KEL: variants seen among roughly 807,000 people sequenced by gnomAD.
KEL encodes Kell metallo-endopeptidase (Kell blood group).
A neutral mutation model predicts 99.5 loss-of-function variants in KEL; 96 were observed. That is an observed-to-expected ratio of 0.97 (90% CI 0.82 to 1.14). KEL has a LOEUF of 1.14. Ranked by LOEUF, KEL falls within the 50% of genes most tolerant of loss-of-function variation. KEL has a pLI of 0.00. For missense variants in KEL, 926 were observed against 924.2 expected (o/e 1.00, Z -0.03); for synonymous variants, 355 against 354.8 (o/e 1.00, Z -0.01).
Position 142,943,439 on chromosome 7 carries a change from G to A in KEL, c.1703+47C>T, listed in dbSNP as rs1796422214. ...GTCCCATCCATCATAACACCTGTCG[G>A]CCCCTCTTGGGAAACTCCCTACCTA... On this transcript the variant is annotated intron_variant, in intron 15 of 18. Coordinates refer to ENST00000355265, the MANE Select transcript of KEL (RefSeq NM_000420.3). 1.9e-6 allele frequency: 3 copies of A among 1,603,164 alleles called. 1 individual carries two copies. The Admixed American group carries it at 5.0e-5, about 27-fold the overall frequency.
At chr7:142,947,492 A>G (rs1390143606) in intron 10 of KEL, among the ~76,000 whole-genome samples, 2 of 152,184 alleles carry the variant, frequency 1.3e-5, no homozygotes, top group Non-Finnish European at 2.9e-5. Context: ...AGGTTGCTGC[A>G]GGCCTGGCTG....
At chr7:142,953,280 A>G (rs1796735895) in intron 9 of KEL, 1 of 855,870 alleles carries the variant, frequency 1.2e-6, no homozygotes, top group African/African-American at 1.8e-5. Flanking sequence ...ACCAGCAGAA[A>G]TGCTCTTAGA....
chr7:142,957,756 C>A, intron 6 of KEL, 71 bp downstream of exon 6: 2 of 1,590,912 alleles, frequency 1.3e-6, no homozygotes. Flanking sequence ...TGCAACCTTC[C>A]TCTAAGGGAT....
intron 2 of KEL, 83 bp from the exon 3 acceptor site, chr7:142,961,584 G>T: frequency 2.0e-6 from 3 of 1,474,300 alleles, no homozygotes; most frequent in Non-Finnish European, 2.8e-6. Context: ...GAATGAATCT[G>T]TTGGTGCTAC....
chr7:142,961,937 G>A, intron 1 of KEL, 65 bp from the exon 2 acceptor site: 1 of 1,600,244 alleles, frequency 6.2e-7, no homozygotes, highest in East Asian at 2.2e-5. Flanking sequence ...ATTGAAGAGA[G>A]TTTTATCAGG....
intron 12 of KEL, 106 bp from the exon 13 acceptor site, chr7:142,944,506 G>A (rs1338533845): frequency 1.5e-5 from 18 of 1,201,334 alleles, no homozygotes; most frequent in Non-Finnish European, 1.9e-5. Context: ...GCCAGTGTGA[G>A]TATACAGCCC....
intron 17 of KEL, 111 bp from the exon 18 acceptor site, chr7:142,942,640 G>T: frequency 1.1e-6 from 1 of 902,032 alleles, no homozygotes; most frequent in South Asian, 1.4e-5. Flanking sequence ...GTTCTGCACT[G>T]ACTAGTTGAT....
intron 10 of KEL, among the ~76,000 whole-genome samples, chr7:142,949,530 C>T (rs1486796765): frequency 6.6e-6 from 1 of 152,160 alleles, no homozygotes; most frequent in Non-Finnish European, 1.5e-5. Context: ...TATTGTCTTT[C>T]TTCTTTCACC....
intron 11 of KEL, 110 bp from the exon 12 acceptor site, chr7:142,944,851 T>A (rs1796479607): frequency 8.5e-6 from 7 of 827,956 alleles, no homozygotes; most frequent in Non-Finnish European, 1.4e-5. Context: ...AGGAGCTGCC[T>A]GGGCTGGAGC....
intron 10 of KEL, among the ~76,000 whole-genome samples, chr7:142,951,926 C>T (rs1235898685): frequency 1.3e-5 from 2 of 152,056 alleles, no homozygotes; most frequent in African/African-American, 4.8e-5. Context: ...TCAAGATTCT[C>T]AGCAAAGGAG....
intron 10 of KEL, 71 bp downstream of exon 10, chr7:142,952,438 G>T: frequency 1.3e-6 from 2 of 1,589,836 alleles, no homozygotes; most frequent in Admixed American, 1.7e-5. Context: ...GAGAGATGCC[G>T]ACATTTACCC....
rs1796880106 is a variant in KEL, at chr7:142,958,377, A to G, written c.452T>C (p.Phe151Ser). Residue 151 changes from phenylalanine to serine, a missense_variant, in exon 5 of 19, where the codon TTC becomes TCC. Transcript: ENST00000355265. ...AAGTGTATCCATGCAGGAGTTGTAG[A>G]ACTGGAAGGCTTTCTCCTCCCCAGA... ...PGSGEEKAFQFYNSCMDTLAI... is the reference protein window; with the variant it reads ...PGSGEEKAFQSYNSCMDTLAI... The G allele has an allele frequency of 9.3e-6, 15 of 1,614,036 alleles. No individual in the cohort carries two copies. The highest frequency in any genetic ancestry group is 1.3e-5 in the Non-Finnish European group (15 of 1,180,050).
intron 9 of KEL, 128 bp downstream of exon 9, chr7:142,953,680 G>T (rs568635756): frequency 5.2e-5 from 57 of 1,100,542 alleles, no homozygotes; most frequent in Middle Eastern, 4.0e-4. Context: ...ACAGGTGGCA[G>T]GTTCCTCTTA....
In KEL at chr7:142,941,415, T is replaced by G; in HGVS notation, c.2038-2A>C. ...GGGGCTGGGCTTCCTACACATCACCTGAGCAGGAAGAGAGGTCATTGAAGG... is the reference window on the plus strand; with the variant it reads ...GGGGCTGGGCTTCCTACACATCACCGGAGCAGGAAGAGAGGTCATTGAAGG... On this transcript the variant is annotated splice_acceptor_variant, in intron 18 of 18. Transcript: ENST00000355265. LOFTEE classifies it high-confidence loss of function. 6.3e-7 allele frequency: 1 copy of G among 1,590,948 alleles called. No homozygotes were observed. Among genetic ancestry groups the G allele is most frequent in the Non-Finnish European group, 8.6e-7 (1 of 1,165,546 alleles).
At chr7:142,948,790 A>G (rs1796598771) in intron 10 of KEL, among the ~76,000 whole-genome samples, 1 of 152,154 alleles carries the variant, frequency 6.6e-6, no homozygotes, top group African/African-American at 2.4e-5. Context: ...TCAGAGCTAC[A>G]GGCTGTGGTG....
At chr7:142,958,252 T>C (rs1274086986) in intron 5 of KEL, 52 bp downstream of exon 5, 1 of 1,613,300 alleles carries the variant, frequency 6.2e-7, no homozygotes, top group Admixed American at 1.7e-5. Context: ...TAAGCATGCA[T>C]TGGTCCCATA....
At chr7:142,943,726 T>C (rs1439528025) in intron 14 of KEL, 57 bp downstream of exon 14, 5 of 1,547,382 alleles carry the variant, frequency 3.2e-6, no homozygotes, top group South Asian at 1.1e-5. Context: ...TCCTTTCCTG[T>C]GAATCATGGA....
rs1243586790 is a variant in KEL, at chr7:142,943,859, G to A, written c.1516C>T (p.Gln506Ter). ...NDIQLGSSFL[Q>*]SVLSCVRSLR... ...GACCGGACACAGCTCAGGACAGACT[G>A]CAGGAAGCTCGATCCAAGCTGTATC... The change falls in exon 14 of 19, where the codon CAG (glutamine) becomes TAG (stop). Residue 506 changes from glutamine to a stop codon, truncating the protein, a stop_gained. Transcript: ENST00000355265. LOFTEE classifies it high-confidence loss of function. 1 of 1,614,026 alleles carries A rather than the reference G, an allele frequency of 6.2e-7. No individual in the cohort carries two copies. Among genetic ancestry groups the A allele is most frequent in the Admixed American group, 1.7e-5 (1 of 60,004 alleles).
At chr7:142,941,905 T>C (rs1262021185) in intron 18 of KEL, among the ~76,000 whole-genome samples, 2 of 150,158 alleles carry the variant, frequency 1.3e-5, no homozygotes, top group African/African-American at 5.0e-5. Flanking sequence ...GCCTCCCAGG[T>C]TCAAGCGATT....
Sources: gnomAD v4.1 joint callset for allele counts (sites outside exome capture counted in the v4.1 genomes callset) on GRCh38, gnomAD v4.1.1 for gene constraint, MANE v1.5 for transcripts, NCBI Gene and HGNC (gene_info 2026-07-23, HGNC 2026-07-21) for gene names.